FEZ2: variants seen among roughly 807,000 people sequenced by gnomAD.
FEZ2 encodes fasciculation and elongation protein zeta 2.
A neutral mutation model predicts 40.4 loss-of-function variants in FEZ2; 51 were observed. The observed-to-expected ratio is 1.26, with a 90% CI of 1.01 to 1.59. The LOEUF (loss-of-function observed/expected upper bound fraction) is 1.59. Among genes scored for constraint, FEZ2 ranks in the 40% most tolerant of loss-of-function variants. The pLI is 0.00. For synonymous variants in FEZ2, 242 were observed against 172.0 expected, an observed-to-expected ratio of 1.41 and a Z score of -3.18; for missense variants, 640 against 438.3, an observed-to-expected ratio of 1.46 and a Z score of -4.11.
At chr2:36,596,662 T>A (rs1237774542) in intron 1 of FEZ2, among the ~76,000 whole-genome samples, 6 of 152,090 alleles carry the variant, frequency 3.9e-5, no homozygotes, top group Admixed American at 3.9e-4. Flanking sequence ...AAGACCAGAT[T>A]TCACGATATT....
At chr2:36,560,842 T>A in intron 5 of FEZ2, 1 of 1,610,804 alleles carries the variant, frequency 6.2e-7, no homozygotes, top group Non-Finnish European at 8.5e-7. Context: ...GAATGACATT[T>A]GAGATCCCTT....
intron 3 of FEZ2, 106 bp from the exon 4 acceptor site, chr2:36,581,537 C>T (rs1317201463): frequency 2.2e-6 from 2 of 923,996 alleles, no homozygotes; most frequent in African/African-American, 3.3e-5. Flanking sequence ...GCACTGAATT[C>T]TCCATTAACC....
chr2:36,590,929 G>C lies in FEZ2; in HGVS notation c.349C>G (p.Leu117Val). ...CCTTTTTCTGAGAGGTTCAGAGTAA[G>C]CAAGTGCAAGGTCCTAGTATGCGAT... ...KSSHTRTLHLLTLNLSEKGVS... is the reference protein window; with the variant it reads ...KSSHTRTLHLVTLNLSEKGVS... Residue 117 changes from leucine to valine, a missense_variant, in exon 2 of 8, where the codon CTT becomes GTT. Coordinates refer to ENST00000405912, the MANE Select transcript of FEZ2 (RefSeq NM_005102.3). 1.2e-6 allele frequency: 2 copies of C among 1,609,110 alleles called. No homozygotes were observed. Among genetic ancestry groups the C allele is most frequent in the Non-Finnish European group, 1.7e-6 (2 of 1,175,380 alleles).
chr2:36,558,627 G>A, intron 5 of FEZ2, 114 bp from the exon 6 acceptor site: 1 of 521,316 alleles, frequency 1.9e-6, no homozygotes, highest in Non-Finnish European at 3.3e-6. Flanking sequence ...AGCTACTTTG[G>A]TAATGAAAAC....
chr2:36,588,031 T>TTTTTTTTTA (rs1279625483), intron 2 of FEZ2, among the ~76,000 whole-genome samples: 5 of 152,080 alleles, frequency 3.3e-5, no homozygotes, highest in Admixed American at 6.5e-5. Flanking sequence ...TAAGGCTGTT[T>TTTTTTTTTA]TTTTTTTTAT....
intron 2 of FEZ2, among the ~76,000 whole-genome samples, chr2:36,588,534 G>C (rs985500698): frequency 9.2e-5 from 14 of 152,168 alleles, no homozygotes; most frequent in African/African-American, 3.4e-4. Context: ...CACCCCAATA[G>C]CAAAATCTGC....
At chr2:36,568,059 A>C (rs1319170656) in intron 5 of FEZ2, among the ~76,000 whole-genome samples, 1 of 152,220 alleles carries the variant, frequency 6.6e-6, no homozygotes, top group African/African-American at 2.4e-5. Context: ...CTACATTTAC[A>C]ACCTTGAGAG....
intron 6 of FEZ2, chr2:36,556,037 G>C (rs1667951958): frequency 1.8e-6 from 1 of 554,458 alleles, no homozygotes; most frequent in Non-Finnish European, 3.5e-6. Context: ...AGAGGAACTG[G>C]GTTATTTACA....
chr2:36,588,458 T>C (rs1363614055), intron 2 of FEZ2, among the ~76,000 whole-genome samples: 1 of 152,172 alleles, frequency 6.6e-6, no homozygotes, highest in Non-Finnish European at 1.5e-5. Context: ...CCTCCCAAGA[T>C]GCAATCTAAG....
At chr2:36,579,957 G>A (rs888518400) in intron 4 of FEZ2, among the ~76,000 whole-genome samples, 2 of 152,054 alleles carry the variant, frequency 1.3e-5, no homozygotes, top group Admixed American at 1.3e-4. Flanking sequence ...AACATGACTG[G>A]TATTCTTATA....
At chr2:36,580,844 T>C (rs1327625237) in intron 4 of FEZ2, among the ~76,000 whole-genome samples, 2 of 152,086 alleles carry the variant, frequency 1.3e-5, no homozygotes, top group Admixed American at 6.5e-5. Flanking sequence ...TCCAATATGA[T>C]TGCTGTCCTT....
At chr2:36,588,625 T>C (rs888587210) in intron 2 of FEZ2, among the ~76,000 whole-genome samples, 2 of 152,216 alleles carry the variant, frequency 1.3e-5, no homozygotes, top group Non-Finnish European at 2.9e-5. Context: ...TTAAATTATA[T>C]GTAAATTACT....
chr2:36,566,339 C>CAA (rs11384694), intron 5 of FEZ2, among the ~76,000 whole-genome samples: 1,859 of 132,194 alleles, frequency 0.014, 26 homozygotes, highest in African/African-American at 0.046. Flanking sequence ...GACTCCGTCT[C>CAA]AAAAAAAAAA....
chr2:36,561,356 C>G (rs1326916917), intron 5 of FEZ2: 1 of 152,164 alleles, frequency 6.6e-6, no homozygotes, highest in Non-Finnish European at 1.5e-5. Flanking sequence ...CTGATTATTG[C>G]TTCCCACTCA....
At chr2:36,578,539 T>C in intron 5 of FEZ2, 58 bp downstream of exon 5, 1 of 1,554,094 alleles carries the variant, frequency 6.4e-7, no homozygotes, top group Admixed American at 1.9e-5. Context: ...CCCCAAAGGC[T>C]GGGACTACCA....
chr2:36,571,751 A>T (rs1342628716), intron 5 of FEZ2, among the ~76,000 whole-genome samples: 1 of 152,030 alleles, frequency 6.6e-6, no homozygotes, highest in Non-Finnish European at 1.5e-5. Context: ...CACTCCTGTA[A>T]TCCCAGCACT....
intron 1 of FEZ2, among the ~76,000 whole-genome samples, chr2:36,595,083 A>G (rs530478322): frequency 5.9e-5 from 9 of 152,298 alleles, no homozygotes; most frequent in East Asian, 5.8e-4. Flanking sequence ...CCAACATCGA[A>G]TCCTGCAGAA....
chr2:36,585,396 G>T (rs926742341), intron 2 of FEZ2, among the ~76,000 whole-genome samples: 1 of 152,066 alleles, frequency 6.6e-6, no homozygotes, highest in African/African-American at 2.4e-5. Context: ...GAGAATTCTC[G>T]TAATGATAGT....
intron 1 of FEZ2, 25 bp from the exon 2 acceptor site, chr2:36,591,036 A>G: frequency 1.5e-6 from 2 of 1,348,486 alleles, no homozygotes; most frequent in Non-Finnish European, 2.1e-6. Flanking sequence ...AGCTACAATC[A>G]ATGAAAATTA....
Sources: allele counts gnomAD v4.1 joint callset (sites outside exome capture counted in the v4.1 genomes callset), GRCh38; gene constraint gnomAD v4.1.1; transcripts MANE v1.5; gene names NCBI Gene and HGNC (gene_info 2026-07-23, HGNC 2026-07-21).